Variants in GGTLC1 observed in about 807,000 individuals in gnomAD.
GGTLC1 encodes the protein gamma-glutamyltransferase light chain 1, also known as glutathione hydrolase light chain 1.
Under a neutral mutation model 19.5 loss-of-function variants are expected in GGTLC1, and 14 were observed. That is an observed-to-expected ratio of 0.72 (90% CI 0.47 to 1.12). GGTLC1 has a LOEUF of 1.12. Among genes scored for constraint, GGTLC1 ranks in the 50% most tolerant of loss-of-function variants. The probability of loss-of-function intolerance (pLI) is 0.00; values close to 1 mark genes in which losing one functional copy is unlikely to be tolerated. For synonymous variants in GGTLC1, 110 were observed against 124.2 expected (o/e 0.89, Z 0.76); for missense variants, 304 against 309.2 (o/e 0.98, Z 0.13).
chr20:23,985,352 G>T lies in GGTLC1; in HGVS notation c.542C>A (p.Ala181Glu). 6.2e-7 allele frequency: 1 copy of T among 1,611,842 alleles called. No homozygotes were observed. Among genetic ancestry groups the T allele is most frequent in the Non-Finnish European group, 8.5e-7 (1 of 1,179,860 alleles). The change falls in exon 6 of 6, where the codon GCA becomes GAA. Residue 181 changes from alanine (A) to glutamate (E), a missense_variant. By Grantham distance (107) the Ala-to-Glu change is moderately radical. Coordinates refer to ENST00000335694, the MANE Select transcript of GGTLC1 (RefSeq NM_178311.3). ...VERNIDQEVTAALETRHHHTQ... is the reference protein window; with the variant it reads ...VERNIDQEVTEALETRHHHTQ... The stretch of plus-strand genomic sequence containing the variant: ...GTGATGGTGCCGGGTCTCCAGGGCT[G>T]CAGTCACTTCCTGGGGGTGGGAGGA...
rs535182444 is a variant in GGTLC1, at chr20:23,985,490, G to A, written c.532-128C>T. 1,303 of 1,593,058 alleles carry A rather than the reference G, an allele frequency of 8.2e-4. 19 individuals carry two copies. The South Asian group carries it at 0.014, about 17-fold the overall frequency. On this transcript the variant is annotated intron_variant, in intron 5 of 5. Coordinates refer to ENST00000335694, the MANE Select transcript of GGTLC1 (RefSeq NM_178311.3). ...CAGGTCATCAGGAAGAGCAGGTTGGGGCCTGCTGGGTCTCATTGGAGCAAG... is the reference window on the plus strand; with the variant it reads ...CAGGTCATCAGGAAGAGCAGGTTGGAGCCTGCTGGGTCTCATTGGAGCAAG...
At chr20:23,987,826 G>T (rs1988024175) in intron 1 of GGTLC1, among the ~76,000 whole-genome samples, 1 of 150,514 alleles carries the variant, frequency 6.6e-6, no homozygotes, top group Admixed American at 6.6e-5. Flanking sequence ...TGGGAGGGCG[G>T]ATCACGACGT....
rs758144615 is a variant in GGTLC1, at chr20:23,985,963, G to T, written c.316C>A (p.Leu106Ile). The change falls in exon 4 of 6, where the codon CTC (leucine) becomes ATC (isoleucine). Residue 106 changes from leucine to isoleucine, a missense_variant. Transcript: ENST00000335694. ...ANFIQPGKQP[L>I]SSMCPTIMVG... ...ATGATCGTCGGGCACATGGACGAGA[G>T]CGGCTGCTTCCCTGCGGCCAATGGG... The T allele has an allele frequency of 1.9e-6, 3 of 1,611,870 alleles. No homozygotes were observed. The highest frequency in any genetic ancestry group is 2.5e-6 in the Non-Finnish European group (3 of 1,179,858).
intron 2 of GGTLC1, 26 bp downstream of exon 2, chr20:23,986,410 C>T: frequency 1.2e-6 from 2 of 1,609,984 alleles, no homozygotes; most frequent in South Asian, 2.2e-5. Flanking sequence ...GGCCCTTTCC[C>T]ACCCAGGCGG....
At chr20:23,987,605 G>T (rs1009890741) in intron 1 of GGTLC1, among the ~76,000 whole-genome samples, 1 of 151,978 alleles carries the variant, frequency 6.6e-6, no homozygotes, top group Non-Finnish European at 1.5e-5. Flanking sequence ...GAACATGGAG[G>T]TATTGACATT....
In GGTLC1 at chr20:23,986,143, G is replaced by T; in HGVS notation, c.237C>A (p.Asp79Glu). 1 of 1,613,784 alleles carries T rather than the reference G, an allele frequency of 6.2e-7. No homozygotes were observed. The highest frequency in any genetic ancestry group is 8.5e-7 in the Non-Finnish European group (1 of 1,179,838). ...CGTTGGTGATGCTGGTAGAGCTGAA[G>T]TCATCCATTTCATTATTGAGCAGGA... ...SGILLNNEMD[D>E]FSSTSITNEF... The change falls in exon 3 of 6, where the codon GAC becomes GAA. Residue 79 changes from aspartate to glutamate, a missense_variant. Physicochemically the swap from Asp to Glu is conservative, Grantham distance 45. Transcript: ENST00000335694.
rs1484643798 is a variant in GGTLC1, at chr20:23,986,583, A to G, written c.29T>C (p.Leu10Pro). MTSEFFSAQ[L>P]RAQISDDTTH... The stretch of plus-strand genomic sequence containing the variant: ...GGTGTCGTCAGAGATCTGGGCCCGG[A>G]GCTGGGCAGAGAAGAACTCGGAGGT... Residue 10 changes from leucine (L) to proline (P), a missense_variant, in exon 2 of 6, where the codon CTC (leucine) becomes CCC (proline). Coordinates refer to ENST00000335694, the MANE Select transcript of GGTLC1 (RefSeq NM_178311.3). 2.5e-6 allele frequency: 4 copies of G among 1,574,892 alleles called. No homozygotes were observed. In the South Asian group the frequency reaches 3.3e-5, roughly 13 times the overall value.
rs762521156 is a variant in GGTLC1 at position 23,985,165 on chromosome 20, G to A, written c.*51C>T. The A allele has an allele frequency of 3.1e-6, 5 of 1,611,356 alleles. No homozygotes were observed. The highest frequency in any genetic ancestry group is 4.2e-6 in the Non-Finnish European group (5 of 1,179,506). ...CCCCCAAAGTCCTCTTCCTCGTCCT[G>A]GTGAGTATTTTGTTCCTGGATTGCT... On this transcript the variant is annotated 3_prime_UTR_variant, in exon 6 of 6. Coordinates refer to ENST00000335694, the MANE Select transcript of GGTLC1 (RefSeq NM_178311.3).
In GGTLC1 at chr20:23,985,078, C is replaced by T; in HGVS notation, c.*138G>A. On this transcript the variant is annotated 3_prime_UTR_variant, in exon 6 of 6. Coordinates refer to ENST00000335694, the MANE Select transcript of GGTLC1 (RefSeq NM_178311.3). ...TGGGGAGACAGGCCAGGGAGGCCACCTGGAGCCTGGCACAGTGGCCTCATT... is the reference window on the plus strand; with the variant it reads ...TGGGGAGACAGGCCAGGGAGGCCACTTGGAGCCTGGCACAGTGGCCTCATT... The T allele has an allele frequency of 3.0e-6, 4 of 1,346,488 alleles. No homozygotes were observed. Among genetic ancestry groups the T allele is most frequent in the Non-Finnish European group, 4.1e-6 (4 of 971,436 alleles). The allele number at this position is 1,346,488 out of a possible 1,614,324, so 83.4% of individuals were successfully genotyped here.
At position 23,985,245 on chromosome 20, in the gene GGTLC1, T is replaced by A. The variant is rs1987801381; in HGVS notation, c.649A>T (p.Arg217Trp). 1 of 1,612,066 alleles carries A rather than the reference T, an allele frequency of 6.2e-7. No homozygotes were observed. Among genetic ancestry groups the A allele is most frequent in the African/African-American group, 1.3e-5 (1 of 75,000 alleles). ...AGGWAAASDS[R>W]KGGEPAGY Reference sequence around the variant, plus strand: ...TAGCCAGCAGGTTCCCCACCTTTCCTGGAGTCCGAGGCAGCTGCCCAGCCA... The same window carrying A: ...TAGCCAGCAGGTTCCCCACCTTTCCAGGAGTCCGAGGCAGCTGCCCAGCCA... The change falls in exon 6 of 6, where the codon AGG (arginine) becomes TGG (tryptophan). Residue 217 changes from arginine to tryptophan, a missense_variant. Arg to Trp is a moderately radical substitution (Grantham distance 101). Transcript: ENST00000335694.
chr20:23,985,349 G>A lies in GGTLC1; in HGVS notation c.545C>T (p.Ala182Val). 1 of 1,611,858 alleles carries A rather than the reference G, an allele frequency of 6.2e-7. No individual in the cohort carries two copies. Among genetic ancestry groups the A allele is most frequent in the African/African-American group, 1.3e-5 (1 of 74,980 alleles). Residue 182 changes from alanine (A) to valine (V), a missense_variant, in exon 6 of 6, where the codon GCC becomes GTC. By Grantham distance (64) the Ala-to-Val change is moderately conservative. Transcript: ENST00000335694. The stretch of plus-strand genomic sequence containing the variant: ...GGTGTGATGGTGCCGGGTCTCCAGG[G>A]CTGCAGTCACTTCCTGGGGGTGGGA... ...ERNIDQEVTA[A>V]LETRHHHTQI...
In GGTLC1 at chr20:23,985,333, G is replaced by A. The variant is rs1568596817; in HGVS notation, c.561C>T (p.His187=). 5 of 1,611,992 alleles carry A rather than the reference G, an allele frequency of 3.1e-6. No individual in the cohort carries two copies. The highest frequency in any genetic ancestry group is 4.2e-6 in the Non-Finnish European group (5 of 1,179,870). Residue 187 remains histidine (H), a synonymous_variant, in exon 6 of 6, where the codon CAC becomes CAT. Coordinates refer to ENST00000335694, the MANE Select transcript of GGTLC1 (RefSeq NM_178311.3). ...QEVTAALETR[H]HHTQITSTFI... ...AGGTGGACGTGATCTGGGTGTGATG[G>A]TGCCGGGTCTCCAGGGCTGCAGTCA... is the stretch of plus-strand genomic sequence containing the variant.
intron 2 of GGTLC1, 28 bp downstream of exon 2, chr20:23,986,408 C>T (rs565009521): frequency 1.6e-5 from 25 of 1,609,700 alleles, no homozygotes; most frequent in African/African-American, 2.7e-5. Flanking sequence ...CTGGCCCTTT[C>T]CCACCCAGGC....
At position 23,985,974 on chromosome 20, in the gene GGTLC1, C is replaced by G; in HGVS notation, c.305G>C (p.Gly102Ala). Residue 102 changes from glycine to alanine, a missense_variant and splice_region_variant, in exon 4 of 6, where the codon GGG becomes GCG. Coordinates refer to ENST00000335694, the MANE Select transcript of GGTLC1 (RefSeq NM_178311.3). ...GCACATGGACGAGAGCGGCTGCTTC[C>G]CTGCGGCCAATGGGAGAAGACAGGG... ...PPSPANFIQP[G>A]KQPLSSMCPT... 6.2e-7 allele frequency: 1 copy of G among 1,612,010 alleles called. No individual in the cohort carries two copies. The highest frequency in any genetic ancestry group is 8.5e-7 in the Non-Finnish European group (1 of 1,179,862).
At position 23,988,598 on chromosome 20, in the gene GGTLC1, T is replaced by C. The variant is rs111429981; in HGVS notation, c.-35+11A>G. ...CTCCCGCCATTGCCAGCAAGTGCCT[T>C]GCGCGGGTACCTGGCTGCGCTTATT... On this transcript the variant is annotated intron_variant, in intron 1 of 5. Transcript: ENST00000335694. The C allele has an allele frequency of 0.019, 18,570 of 955,184 alleles. 1,882 individuals are homozygous for C. In the African/African-American group the frequency reaches 0.24, roughly 13 times the overall value. 59.2% of individuals were successfully genotyped at this position (955,184 alleles called of 1,614,324 possible).
chr20:23,987,765 C>A (rs1420750367), intron 1 of GGTLC1, among the ~76,000 whole-genome samples: 2 of 151,246 alleles, frequency 1.3e-5, no homozygotes, highest in Non-Finnish European at 2.9e-5. Flanking sequence ...CGGTGGCTCA[C>A]GGCTGTAATC....
rs1987867995 is a variant in GGTLC1, at chr20:23,985,932, C to A, written c.347G>T (p.Gly116Val). ...CACCATCCGGACCTGGCCGTCCTGG[C>A]CCACCATGATCGTCGGGCACATGGA... ...LSSMCPTIMV[G>V]QDGQVRMVVG... The change falls in exon 4 of 6, where the codon GGC becomes GTC. Residue 116 changes from glycine to valine, a missense_variant. Physicochemically the swap from Gly to Val is moderately radical, Grantham distance 109. Coordinates refer to ENST00000335694, the MANE Select transcript of GGTLC1 (RefSeq NM_178311.3). The A allele has an allele frequency of 6.2e-7, 1 of 1,612,004 alleles. No individual in the cohort carries two copies. Among genetic ancestry groups the A allele is most frequent in the South Asian group, 1.1e-5 (1 of 90,988 alleles).
intron 1 of GGTLC1, among the ~76,000 whole-genome samples, chr20:23,987,440 G>A (rs927139464): frequency 1.4e-4 from 21 of 152,276 alleles, no homozygotes; most frequent in African/African-American, 4.3e-4. Context: ...CAAGGATGGC[G>A]CCGACTAGCG....
chr20:23,985,383 G>C (rs561930036), intron 5 of GGTLC1, 21 bp from the exon 6 acceptor site: 1 of 1,611,520 alleles, frequency 6.2e-7, no homozygotes, highest in East Asian at 2.2e-5. Flanking sequence ...GAGGAGAGGG[G>C]AAGCCTGAGC....
Sources: allele counts gnomAD v4.1 joint callset (sites outside exome capture counted in the v4.1 genomes callset), GRCh38; gene constraint gnomAD v4.1.1; transcripts MANE v1.5; gene names NCBI Gene and HGNC (gene_info 2026-07-23, HGNC 2026-07-21).